The following DLGAP2 variants were observed in gnomAD, a reference collection of about 807,000 sequenced individuals.
DLGAP2 encodes DLG associated protein 2, also known as disks large-associated protein 2.
A neutral mutation model predicts 100.3 loss-of-function variants in DLGAP2; 26 were observed. The observed-to-expected ratio is 0.26, with a 90% CI of 0.19 to 0.36. DLGAP2 has a LOEUF of 0.36. DLGAP2 is among the 10% of genes least tolerant of loss of function. The pLI, the probability that DLGAP2 is intolerant of heterozygous loss-of-function variation, is 1.00. For missense variants in DLGAP2, 1,858 were observed against 1,453.2 expected (o/e 1.28, Z -4.53); for synonymous variants, 886 against 630.1 (o/e 1.41, Z -6.08).
chr8:1,490,247 C>T (rs866247518), intron 3 of DLGAP2, among the ~76,000 whole-genome samples: 1 of 152,128 alleles, frequency 6.6e-6, no homozygotes, highest in Non-Finnish European at 1.5e-5. Context: ...GTCATTTGCA[C>T]AATACCCAGA....
At chr8:1,266,953 G>T (rs983384746) in intron 3 of DLGAP2, among the ~76,000 whole-genome samples, 1 of 152,060 alleles carries the variant, frequency 6.6e-6, no homozygotes, top group African/African-American at 2.4e-5. Context: ...AATAAAAAGG[G>T]CGCGGTGGCT....
intron 2 of DLGAP2, among the ~76,000 whole-genome samples, chr8:1,110,192 A>T (rs1804904899): frequency 8.1e-6 from 1 of 124,100 alleles, no homozygotes; most frequent in Non-Finnish European, 1.6e-5. Context: ...TGGGTCTGTG[A>T]CATGTGCTGG....
At chr8:787,377 G>A (rs1184944846) in intron 1 of DLGAP2, among the ~76,000 whole-genome samples, 1 of 152,220 alleles carries the variant, frequency 6.6e-6, no homozygotes, top group African/African-American at 2.4e-5. Flanking sequence ...GGTTAGCCAT[G>A]CTCGTTGCAA....
chr8:1,157,524 A>G (rs534434188), intron 2 of DLGAP2, among the ~76,000 whole-genome samples: 2 of 152,280 alleles, frequency 1.3e-5, no homozygotes, highest in African/African-American at 4.8e-5. Context: ...AGACTAAATT[A>G]CGTGGGCCTT....
intron 6 of DLGAP2, among the ~76,000 whole-genome samples, chr8:1,592,499 A>C (rs1796322449): frequency 6.6e-6 from 1 of 152,014 alleles, no homozygotes; most frequent in Non-Finnish European, 1.5e-5. Context: ...AAGCTCTGGA[A>C]AGCGGTCCCC....
chr8:1,175,234 T>G (rs1797228013), intron 2 of DLGAP2, among the ~76,000 whole-genome samples: 1 of 147,006 alleles, frequency 6.8e-6, no homozygotes, highest in African/African-American at 2.5e-5. Flanking sequence ...TGTCTTCACA[T>G]GCTTGATTTT....
At chr8:1,194,480 C>G (rs73541309) in intron 2 of DLGAP2, among the ~76,000 whole-genome samples, 75 of 152,196 alleles carry the variant, frequency 4.9e-4, no homozygotes, top group South Asian at 1.0e-3. Context: ...TCCCTCAGTC[C>G]CACTTTCCAG....
chr8:1,203,347 G>A (rs59834550), intron 2 of DLGAP2, among the ~76,000 whole-genome samples: 59,196 of 115,928 alleles, frequency 0.51, 22,780 homozygotes, highest in African/African-American at 0.84. Flanking sequence ...CCCACCCCTC[G>A]GTGTTAGAAT....
intron 1 of DLGAP2, among the ~76,000 whole-genome samples, chr8:857,451 C>T (rs944019481): frequency 3.9e-5 from 6 of 152,230 alleles, no homozygotes; most frequent in Middle Eastern, 3.4e-3. Flanking sequence ...GGAGGACGAG[C>T]ATGCAAAATA....
At chr8:921,592 G>C (rs1338247730) in intron 2 of DLGAP2, among the ~76,000 whole-genome samples, 1 of 152,164 alleles carries the variant, frequency 6.6e-6, no homozygotes, top group Admixed American at 6.5e-5. Flanking sequence ...GGATTGTCCT[G>C]GTCCCGTGTC....
chr8:1,473,586 C>T (rs553601137), intron 3 of DLGAP2, among the ~76,000 whole-genome samples: 15 of 152,272 alleles, frequency 9.9e-5, no homozygotes, highest in South Asian at 2.1e-4. Flanking sequence ...AGGGCTCAAG[C>T]GAGCTTTGGG....
intron 2 of DLGAP2, among the ~76,000 whole-genome samples, chr8:926,157 C>T (rs938375653): frequency 3.3e-5 from 5 of 152,144 alleles, no homozygotes; most frequent in Admixed American, 6.5e-5. Flanking sequence ...GAGCGGCTCG[C>T]CTGTGGTCGT....
intron 3 of DLGAP2, among the ~76,000 whole-genome samples, chr8:1,382,765 T>C (rs1339551697): frequency 6.6e-6 from 1 of 152,050 alleles, no homozygotes. Flanking sequence ...ACAAAAGAAA[T>C]GTGTATAGTT....
chr8:1,334,796 C>T (rs575305773), intron 3 of DLGAP2, among the ~76,000 whole-genome samples: 37 of 152,250 alleles, frequency 2.4e-4, no homozygotes, highest in South Asian at 1.0e-3. Context: ...ATACATGATA[C>T]ATGTGTTGAC....
chr8:1,166,293 C>T (rs1481725882), intron 2 of DLGAP2, among the ~76,000 whole-genome samples: 2 of 152,204 alleles, frequency 1.3e-5, no homozygotes, highest in East Asian at 3.8e-4. Flanking sequence ...TGCACCACCC[C>T]GTGCTTCCTT....
chr8:1,166,705 G>C (rs773669073), intron 2 of DLGAP2, among the ~76,000 whole-genome samples: 3 of 151,952 alleles, frequency 2.0e-5, no homozygotes, highest in Non-Finnish European at 2.9e-5. Flanking sequence ...TTGTGAACGT[G>C]TATCTATCAA....
At chr8:1,636,262 C>T (rs1000893383) in intron 8 of DLGAP2, among the ~76,000 whole-genome samples, 2 of 152,036 alleles carry the variant, frequency 1.3e-5, no homozygotes, top group African/African-American at 4.8e-5. Flanking sequence ...TTTCTCTGGG[C>T]CGGAAATTTT....
chr8:1,116,070 T>C (rs772927177), intron 2 of DLGAP2, among the ~76,000 whole-genome samples: 2 of 152,194 alleles, frequency 1.3e-5, no homozygotes, highest in Non-Finnish European at 2.9e-5. Flanking sequence ...TTCCAGGGGT[T>C]CTTGGAAAGC....
chr8:1,329,414 C>T (rs905559662), intron 3 of DLGAP2, among the ~76,000 whole-genome samples: 21 of 152,206 alleles, frequency 1.4e-4, no homozygotes, highest in Admixed American at 3.3e-4. Context: ...CAGCTAGATC[C>T]GTTTTTCGAA....
Sources: allele counts gnomAD v4.1 joint callset (sites outside exome capture counted in the v4.1 genomes callset), GRCh38; gene constraint gnomAD v4.1.1; transcripts MANE v1.5; gene names NCBI Gene and HGNC (gene_info 2026-07-23, HGNC 2026-07-21).